The following NINJ1 variants were observed in gnomAD, a reference collection of about 807,000 sequenced individuals.
The protein encoded by NINJ1 is ninjurin 1.
In NINJ1, 6 loss-of-function variants were observed where a neutral mutation model predicts 12.7. The observed-to-expected ratio is 0.47, with a 90% confidence interval of 0.26 to 0.93. The LOEUF is 0.93. Ranked by LOEUF, NINJ1 falls within the 40% of genes least tolerant of loss-of-function variation. The probability of loss-of-function intolerance (pLI) is 0.15; values close to 1 mark genes in which losing one functional copy is unlikely to be tolerated. For missense variants in NINJ1, 170 were observed against 213.0 expected, an observed-to-expected ratio of 0.80 and a Z score of 1.26; for synonymous variants, 100 against 96.0, an observed-to-expected ratio of 1.04 and a Z score of -0.25.
At chr9:93,133,767 G>T (rs1827932742) in intron 1 of NINJ1, among the ~76,000 whole-genome samples, 1 of 152,200 alleles carries the variant, frequency 6.6e-6, no homozygotes, top group Admixed American at 6.5e-5. Context: ...CCGGCACGGC[G>T]AGGCTGAAGT....
At chr9:93,126,732 G>A (rs867491971) in intron 1 of NINJ1, 94 bp from the exon 2 acceptor site, 14 of 940,616 alleles carry the variant, frequency 1.5e-5, no homozygotes, top group Non-Finnish European at 2.2e-5. Context: ...CCCTGCAGGT[G>A]AGGGCTTCCC....
At chr9:93,127,379 G>T (rs1299919357) in intron 1 of NINJ1, among the ~76,000 whole-genome samples, 3 of 152,192 alleles carry the variant, frequency 2.0e-5, no homozygotes, top group African/African-American at 7.2e-5. Flanking sequence ...TGCCTTAGGG[G>T]CCTATCTGGT....
chr9:93,128,517 C>T (rs1827845321), intron 1 of NINJ1, among the ~76,000 whole-genome samples: 1 of 152,250 alleles, frequency 6.6e-6, no homozygotes, highest in Admixed American at 6.5e-5. Flanking sequence ...GTGCCTGGCA[C>T]TGAGGTCGTC....
chr9:93,131,103 C>G (rs1311182630), intron 1 of NINJ1, among the ~76,000 whole-genome samples: 1 of 152,238 alleles, frequency 6.6e-6, no homozygotes, highest in Non-Finnish European at 1.5e-5. Flanking sequence ...GTGCCCATTC[C>G]CCAGATGCCA....
intron 1 of NINJ1, among the ~76,000 whole-genome samples, chr9:93,132,867 G>T (rs1050097429): frequency 2.0e-5 from 3 of 152,238 alleles, no homozygotes; most frequent in Admixed American, 1.3e-4. Context: ...AGGGTTGGGG[G>T]AGGAGCAGTA....
intron 1 of NINJ1, among the ~76,000 whole-genome samples, chr9:93,127,049 C>T (rs1185484686): frequency 6.6e-6 from 1 of 152,050 alleles, no homozygotes; most frequent in Non-Finnish European, 1.5e-5. Context: ...GACGTGTGGG[C>T]GGACAGATCT....
chr9:93,123,309 G>C (rs756604163), intron 3 of NINJ1, among the ~76,000 whole-genome samples: 1 of 152,024 alleles, frequency 6.6e-6, no homozygotes, highest in South Asian at 2.1e-4. Flanking sequence ...TCCCGAGATG[G>C]AGTCTCATAC....
At position 93,126,638 on chromosome 9, in the gene NINJ1, G is replaced by A. The variant is rs554253795; in HGVS notation, c.76C>T (p.Pro26Ser). The A allele has an allele frequency of 1.6e-5, 26 of 1,593,412 alleles. No homozygotes were observed. The African/African-American group carries it at 2.1e-4, about 13-fold the overall frequency. Residue 26 changes from proline (P) to serine (S), a missense_variant and splice_region_variant, in exon 2 of 4, where the codon CCG becomes TCG. By Grantham distance (74) the Pro-to-Ser change is moderately conservative. Transcript: ENST00000375446. The part of the protein sequence containing the change: ...PGTPGSPDAS[P>S]ARWGWRHGPI... Reference sequence around the variant, plus strand: ...CCGTGCCTCCAGCCCCAGCGGGCCGGCTGCAGGGAGGGGAATGGTCAGCAA... The same window carrying A: ...CCGTGCCTCCAGCCCCAGCGGGCCGACTGCAGGGAGGGGAATGGTCAGCAA...
intron 1 of NINJ1, 24 bp downstream of exon 1, chr9:93,134,119 G>A (rs1453432044): frequency 2.6e-6 from 4 of 1,530,066 alleles, no homozygotes; most frequent in Admixed American, 4.0e-5. Flanking sequence ...GCAAGATCAT[G>A]CAGCGGTGGG....
intron 1 of NINJ1, 29 bp downstream of exon 1, chr9:93,134,114 A>G: frequency 6.6e-7 from 1 of 1,519,592 alleles, no homozygotes; most frequent in Non-Finnish European, 8.9e-7. Flanking sequence ...GCCTGGCAAG[A>G]TCATGCAGCG....
chr9:93,126,575 C>T lies in NINJ1; in HGVS notation c.139G>A (p.Ala47Thr), dbSNP rs749272000. ...NVNHYASKKS[A>T]AESMLDIALL... ...GCGATGTCCAGCATGCTCTCGGCTG[C>T]GCTCTTCTTGCTGGCGTAATGGTTC... The change falls in exon 2 of 4, where the codon GCA (alanine) becomes ACA (threonine). Residue 47 changes from alanine to threonine, a missense_variant. Ala to Thr is a moderately conservative substitution (Grantham distance 58). Transcript: ENST00000375446. The T allele has an allele frequency of 3.7e-6, 6 of 1,613,902 alleles. No individual in the cohort carries two copies. The highest frequency in any genetic ancestry group is 4.5e-5 in the East Asian group (2 of 44,858).
chr9:93,128,679 C>T (rs1216457249), intron 1 of NINJ1, among the ~76,000 whole-genome samples: 1 of 152,244 alleles, frequency 6.6e-6, no homozygotes, highest in Non-Finnish European at 1.5e-5. Flanking sequence ...CCTTCAAGGC[C>T]ACCCTTATGC....
intron 1 of NINJ1, among the ~76,000 whole-genome samples, chr9:93,127,880 C>T (rs4744178): frequency 0.65 from 98,802 of 152,178 alleles, 33,038 homozygotes; most frequent in Admixed American, 0.75. Flanking sequence ...CAGGGAGGGG[C>T]GGACATGGTA....
At chr9:93,128,856 CAT>C (rs1191266976) in intron 1 of NINJ1, among the ~76,000 whole-genome samples, 5 of 151,606 alleles carry the variant, frequency 3.3e-5, no homozygotes, top group Admixed American at 2.6e-4. Flanking sequence ...GTGAGACACA[CAT>C]GTGCACACAA....
intron 1 of NINJ1, among the ~76,000 whole-genome samples, chr9:93,133,049 T>C (rs2130754636): frequency 6.6e-6 from 1 of 152,310 alleles, no homozygotes; most frequent in South Asian, 2.1e-4. Flanking sequence ...AGGAGCCCCC[T>C]GCCTATTGCT....
Position 93,124,915 on chromosome 9 carries a change from T to G in NINJ1, c.452A>C (p.Gln151Pro). 1 of 1,610,188 alleles carries G rather than the reference T, an allele frequency of 6.2e-7. No homozygotes were observed. The highest frequency in any genetic ancestry group is 8.5e-7 in the Non-Finnish European group (1 of 1,177,958). ...CCAGCTCACCTGGGTGTCCTACTGCTGGGGTGCCATGTCCATCAAGGGCTT... is the reference window on the plus strand; with the variant it reads ...CCAGCTCACCTGGGTGTCCTACTGCGGGGGTGCCATGTCCATCAAGGGCTT... ...VQKPLMDMAPQQ is the reference protein window; with the variant it reads ...VQKPLMDMAPPQ The change falls in exon 3 of 4, where the codon CAG (glutamine) becomes CCG (proline). Residue 151 changes from glutamine to proline, a missense_variant. Gln to Pro is a moderately conservative substitution (Grantham distance 76). Coordinates refer to ENST00000375446, the MANE Select transcript of NINJ1 (RefSeq NM_004148.4).
In NINJ1 at chr9:93,133,806, A is replaced by G. The variant is rs934203928; in HGVS notation, c.75+337T>C. Among the ~76,000 whole-genome samples, 124 of 151,398 alleles carry G rather than the reference A, an allele frequency of 8.2e-4. 2 individuals are homozygous for G. The highest frequency in any genetic ancestry group is 2.9e-3 in the African/African-American group (119 of 41,176). On this transcript the variant is annotated intron_variant, in intron 1 of 3. Transcript: ENST00000375446. The stretch of plus-strand genomic sequence containing the variant: ...AGAGGCCCGCGCGAGAGTGGGGGGG[A>G]GGTCGGGAAAGCCGGGCGCCGGCAG...
chr9:93,123,084 G>A (rs545242177), intron 3 of NINJ1, among the ~76,000 whole-genome samples: 4 of 152,336 alleles, frequency 2.6e-5, no homozygotes, highest in East Asian at 1.9e-4. Context: ...CTCCACGGCC[G>A]GGACATTGGG....
rs547060890 is a variant in NINJ1, at chr9:93,131,885, C to A, written c.75+2258G>T. Among the ~76,000 whole-genome samples, 395 of 152,232 alleles carry A rather than the reference C, an allele frequency of 2.6e-3. 4 individuals are homozygous for A. Among genetic ancestry groups the A allele is most frequent in the African/African-American group, 9.0e-3 (373 of 41,524 alleles). ...CACCCTGGGAGGTGAGCAGTTGTGCCCCATTTTACAGAAAAGGAAACTGAG... is the reference window on the plus strand; with the variant it reads ...CACCCTGGGAGGTGAGCAGTTGTGCACCATTTTACAGAAAAGGAAACTGAG... On this transcript the variant is annotated intron_variant, in intron 1 of 3. Transcript: ENST00000375446.
Sources: gnomAD v4.1 joint callset for allele counts (sites outside exome capture counted in the v4.1 genomes callset) on GRCh38, gnomAD v4.1.1 for gene constraint, MANE v1.5 for transcripts, NCBI Gene and HGNC (gene_info 2026-07-23, HGNC 2026-07-21) for gene names.